The following KLHDC4 variants were observed in gnomAD, a reference collection of about 807,000 sequenced individuals.
KLHDC4 encodes the protein kelch domain containing 4.
Under a neutral mutation model 62.4 loss-of-function variants are expected in KLHDC4, and 90 were observed. The observed-to-expected ratio is 1.44, with a 90% CI of 1.22 to 1.72. The LOEUF is 1.72. Among genes scored for constraint, KLHDC4 ranks in the 40% most tolerant of loss-of-function variants. KLHDC4 has a pLI of 0.00. For missense variants in KLHDC4, 1,025 were observed against 699.7 expected, an observed-to-expected ratio of 1.47 and a Z score of -5.25; for synonymous variants, 386 against 284.4, an observed-to-expected ratio of 1.36 and a Z score of -3.59.
At chr16:87,758,728 C>G (rs938640259) in intron 2 of KLHDC4, among the ~76,000 whole-genome samples, 1 of 152,174 alleles carries the variant, frequency 6.6e-6, no homozygotes, top group Non-Finnish European at 1.5e-5. Context: ...ATACGTGTCA[C>G]GCTGCATTCG....
At position 87,756,471 on chromosome 16, in the gene KLHDC4, A is replaced by T. The variant is rs778121724; in HGVS notation, c.198T>A (p.Asn66Lys). 6.2e-7 allele frequency: 1 copy of T among 1,613,602 alleles called. No homozygotes were observed. The highest frequency in any genetic ancestry group is 1.3e-5 in the African/African-American group (1 of 74,922). ...TCTCAGGATGAACCGAGAGGGAGGC[A>T]TTTAACCTACAAGACACACAAGCGG... ...LPCPPPSPRL[N>K]ASLSVHPEKD... Residue 66 changes from asparagine (N) to lysine (K), a missense_variant, in exon 3 of 12, where the codon AAT (asparagine) becomes AAA (lysine). Coordinates refer to ENST00000270583, the MANE Select transcript of KLHDC4 (RefSeq NM_017566.4).
intron 6 of KLHDC4, among the ~76,000 whole-genome samples, chr16:87,727,638 T>C (rs566314477): frequency 1.3e-5 from 2 of 152,272 alleles, no homozygotes; most frequent in Admixed American, 6.5e-5. Context: ...GCTGGAGGCA[T>C]GGGGAGACTC....
At chr16:87,763,288 G>A (rs1241029534) in intron 1 of KLHDC4, among the ~76,000 whole-genome samples, 2 of 152,278 alleles carry the variant, frequency 1.3e-5, no homozygotes, top group South Asian at 2.1e-4. Flanking sequence ...GCAACATATA[G>A]TATTGTTTTA....
At chr16:87,758,567 T>C (rs533528818) in intron 2 of KLHDC4, among the ~76,000 whole-genome samples, 15 of 152,178 alleles carry the variant, frequency 9.9e-5, no homozygotes, top group South Asian at 4.2e-4. Context: ...GGAGCAACCA[T>C]TGAAGGGTCT....
chr16:87,765,407 G>A, intron 1 of KLHDC4: 1 of 482,884 alleles, frequency 2.1e-6, no homozygotes. Context: ...ATCATGCAGA[G>A]GCAGCCCCCG....
chr16:87,748,282 G>A (rs894713887), intron 5 of KLHDC4, among the ~76,000 whole-genome samples: 49 of 152,170 alleles, frequency 3.2e-4, no homozygotes, highest in Non-Finnish European at 3.1e-4. Flanking sequence ...ACACCAACTC[G>A]ACACAGAAAG....
At chr16:87,746,080 A>G (rs1263398041) in intron 5 of KLHDC4, among the ~76,000 whole-genome samples, 1 of 152,020 alleles carries the variant, frequency 6.6e-6, no homozygotes, top group Non-Finnish European at 1.5e-5. Context: ...CCTGGGCAAC[A>G]TGACAAGACC....
chr16:87,760,404 A>G (rs953541836), intron 2 of KLHDC4, among the ~76,000 whole-genome samples: 2 of 150,452 alleles, frequency 1.3e-5, no homozygotes, highest in South Asian at 4.2e-4. Flanking sequence ...TCAGAAGATC[A>G]AGACCATCCT....
chr16:87,738,171 C>G (rs1165872116), intron 5 of KLHDC4, among the ~76,000 whole-genome samples: 2 of 152,134 alleles, frequency 1.3e-5, no homozygotes, highest in Non-Finnish European at 2.9e-5. Flanking sequence ...TCTCAGAGGC[C>G]AGTCACTGTT....
intron 4 of KLHDC4, among the ~76,000 whole-genome samples, chr16:87,752,045 G>A (rs1160580860): frequency 9.0e-5 from 11 of 121,822 alleles, no homozygotes; most frequent in African/African-American, 2.8e-4. Context: ...AGCCGAGATC[G>A]CGCCACTGCA....
downstream of KLHDC4, chr16:87,703,123 A>G (rs1486022560): frequency 6.6e-6 from 1 of 152,200 alleles, no homozygotes; most frequent in African/African-American, 2.4e-5. Context: ...AGAGCTGCGC[A>G]ATGGATGTGT....
At chr16:87,741,457 A>G (rs2143014811) in intron 5 of KLHDC4, among the ~76,000 whole-genome samples, 1 of 152,304 alleles carries the variant, frequency 6.6e-6, no homozygotes, top group Middle Eastern at 3.4e-3. Flanking sequence ...TGGGCTGCAC[A>G]CACCATAGAT....
chr16:87,706,395 G>A (rs1006997924), downstream of KLHDC4, among the ~76,000 whole-genome samples: 6 of 128,356 alleles, frequency 4.7e-5, no homozygotes, highest in African/African-American at 1.6e-4. Flanking sequence ...GGGGGGGTTG[G>A]TCGGCACAAC....
downstream of KLHDC4, among the ~76,000 whole-genome samples, chr16:87,704,515 C>T (rs1436349790): frequency 1.7e-5 from 2 of 115,240 alleles, no homozygotes; most frequent in African/African-American, 3.6e-5. Flanking sequence ...GGGAAGGAGG[C>T]GCCTGGGGAG....
In KLHDC4 at chr16:87,707,883, T is replaced by C. The variant is rs545490387; in HGVS notation, c.*194A>G. On this transcript the variant is annotated 3_prime_UTR_variant, in exon 12 of 12. Coordinates refer to ENST00000270583, the MANE Select transcript of KLHDC4 (RefSeq NM_017566.4). ...GGGAATCCACCTGCACTGCACTCAG[T>C]TGAACTTCCGGCCCAGTGCCGCGTC... 6.4e-5 allele frequency: 29 copies of C among 450,570 alleles called. No individual in the cohort carries two copies. Among genetic ancestry groups the C allele is most frequent in the African/African-American group, 4.6e-4 (23 of 50,096 alleles). The allele number at this position is 450,570 out of a possible 1,614,324, so 27.9% of individuals were successfully genotyped here.
chr16:87,748,576 A>T (rs56031151), intron 5 of KLHDC4, 97 bp downstream of exon 5: 146,121 of 1,487,664 alleles, frequency 0.098, 8,258 homozygotes, highest in Non-Finnish European at 0.11. Context: ...AGTTCCTCTG[A>T]ACCCTGGTAT....
intron 5 of KLHDC4, among the ~76,000 whole-genome samples, chr16:87,735,328 T>G (rs1464354841): frequency 6.9e-6 from 1 of 144,218 alleles, no homozygotes; most frequent in Admixed American, 6.8e-5. Flanking sequence ...AAAAAAAAAC[T>G]AAACCAGTGT....
chr16:87,719,274 T>C (rs1940252737), intron 7 of KLHDC4, among the ~76,000 whole-genome samples: 1 of 152,246 alleles, frequency 6.6e-6, no homozygotes, highest in Non-Finnish European at 1.5e-5. Context: ...TGTTACTGTG[T>C]CTGTGTGCAA....
At position 87,710,014 on chromosome 16, in the gene KLHDC4, A is replaced by C. The variant is rs374021302; in HGVS notation, c.1045-347T>G. 20 of 266,738 alleles carry C rather than the reference A, an allele frequency of 7.5e-5. No homozygotes were observed. The East Asian group carries it at 1.3e-3, about 17-fold the overall frequency. The allele number at this position is 266,738 out of a possible 1,614,324, so 16.5% of individuals were successfully genotyped here. On this transcript the variant is annotated intron_variant, in intron 9 of 11. Transcript: ENST00000270583. ...CACAGGCTCCGACGCTCACCCTGGG[A>C]AAACCCAATCACCCACAGTGCTGGC...
Sources: allele counts gnomAD v4.1 joint callset (sites outside exome capture counted in the v4.1 genomes callset), GRCh38; gene constraint gnomAD v4.1.1; transcripts MANE v1.5; gene names NCBI Gene and HGNC (gene_info 2026-07-23, HGNC 2026-07-21).